Variants in PACRG observed in about 807,000 individuals in gnomAD.
PACRG encodes parkin coregulated, also known as parkin coregulated gene protein.
In PACRG, 29 loss-of-function variants were observed where a neutral mutation model predicts 29.7. The observed-to-expected ratio is 0.98, with a 90% CI of 0.73 to 1.33. PACRG has a LOEUF of 1.33. Among genes scored for constraint, PACRG ranks in the 40% most tolerant of loss-of-function variants. The probability of loss-of-function intolerance (pLI) is 0.00; values close to 1 mark genes in which losing one functional copy is unlikely to be tolerated. For synonymous variants in PACRG, 116 were observed against 118.7 expected, an observed-to-expected ratio of 0.98 and a Z score of 0.15; for missense variants, 279 against 316.2, an observed-to-expected ratio of 0.88 and a Z score of 0.89.
intron 1 of PACRG, among the ~76,000 whole-genome samples, chr6:162,735,480 A>T (rs1425625146): frequency 6.6e-6 from 1 of 152,174 alleles, no homozygotes; most frequent in Non-Finnish European, 1.5e-5. Flanking sequence ...TATTAATTTT[A>T]TTGTGACTAA....
At chr6:163,240,851 C>T (rs1782476551) in intron 4 of PACRG, among the ~76,000 whole-genome samples, 1 of 152,182 alleles carries the variant, frequency 6.6e-6, no homozygotes, top group Non-Finnish European at 1.5e-5. Flanking sequence ...CTCAAGTAAA[C>T]GAGGGCTGCA....
At chr6:163,200,929 C>T (rs1418034943) in intron 4 of PACRG, among the ~76,000 whole-genome samples, 2 of 152,040 alleles carry the variant, frequency 1.3e-5, no homozygotes, top group Non-Finnish European at 2.9e-5. Context: ...AGGCACTGGG[C>T]CGGATCAGGC....
chr6:162,951,471 C>T (rs1799646094), intron 2 of PACRG, among the ~76,000 whole-genome samples: 1 of 152,136 alleles, frequency 6.6e-6, no homozygotes, highest in Admixed American at 6.5e-5. Context: ...CAGCAGTTGG[C>T]GGGGAGGGAT....
chr6:163,035,499 T>G (rs985913077), intron 2 of PACRG, among the ~76,000 whole-genome samples: 2 of 151,934 alleles, frequency 1.3e-5, no homozygotes, highest in Admixed American at 6.6e-5. Flanking sequence ...ATACAAAAAT[T>G]AGCCAGGTAC....
At chr6:163,179,268 G>A (rs991191493) in intron 4 of PACRG, 4 of 455,644 alleles carry the variant, frequency 8.8e-6, no homozygotes, top group Non-Finnish European at 1.3e-5. Context: ...AAAGGAGGCG[G>A]CAGCTGGGGG....
At chr6:163,193,177 G>A (rs957991028) in intron 4 of PACRG, among the ~76,000 whole-genome samples, 1 of 152,160 alleles carries the variant, frequency 6.6e-6, no homozygotes, top group South Asian at 2.1e-4. Flanking sequence ...TTTTTAAGGT[G>A]GTGATAGAGT....
chr6:163,108,214 T>G (rs1308749116), intron 4 of PACRG, among the ~76,000 whole-genome samples: 1 of 151,954 alleles, frequency 6.6e-6, no homozygotes, highest in East Asian at 1.9e-4. Context: ...TCTCACGAGT[T>G]CTGGTTGTTT....
intron 4 of PACRG, among the ~76,000 whole-genome samples, chr6:163,220,999 C>T (rs1204061495): frequency 6.6e-6 from 1 of 152,154 alleles, no homozygotes; most frequent in Non-Finnish European, 1.5e-5. Context: ...AGGCAAGACA[C>T]AGTGAGAATA....
intron 2 of PACRG, among the ~76,000 whole-genome samples, chr6:162,968,606 C>T (rs1483205836): frequency 6.6e-6 from 1 of 152,148 alleles, no homozygotes; most frequent in Non-Finnish European, 1.5e-5. Context: ...TACTGATGTT[C>T]CAGCGTGACA....
intron 4 of PACRG, among the ~76,000 whole-genome samples, chr6:163,291,219 C>T (rs1445625679): frequency 7.0e-6 from 1 of 142,240 alleles, no homozygotes; most frequent in African/African-American, 2.7e-5. Flanking sequence ...GCAAGATGTC[C>T]CCTCTGCCCG....
At chr6:162,762,559 T>G (rs1176507524) in intron 1 of PACRG, among the ~76,000 whole-genome samples, 1 of 152,164 alleles carries the variant, frequency 6.6e-6, no homozygotes, top group Non-Finnish European at 1.5e-5. Context: ...AGGCCAGAAG[T>G]GTATAGGGAT....
chr6:162,890,726 T>A (rs572552665), intron 2 of PACRG, among the ~76,000 whole-genome samples: 2 of 152,288 alleles, frequency 1.3e-5, no homozygotes, highest in East Asian at 3.9e-4. Context: ...TTCTCCTCAG[T>A]CTTTATATCA....
intron 4 of PACRG, 55 bp from the exon 5 acceptor site, chr6:163,314,772 T>G: frequency 6.3e-7 from 1 of 1,587,868 alleles, no homozygotes; most frequent in Non-Finnish European, 8.6e-7. Context: ...TGTGTAGGAC[T>G]TTTCGGGAAA....
intron 4 of PACRG, chr6:163,190,709 T>C (rs1039445114): frequency 2.5e-5 from 5 of 203,426 alleles, no homozygotes; most frequent in African/African-American, 7.0e-5. Context: ...AAAATTTGTT[T>C]TGGAGCCTAG....
At chr6:162,878,456 G>A (rs1200395257) in intron 2 of PACRG, among the ~76,000 whole-genome samples, 2 of 152,124 alleles carry the variant, frequency 1.3e-5, no homozygotes, top group Non-Finnish European at 2.9e-5. Flanking sequence ...TTTTTAGAGT[G>A]TTTGATGCTG....
chr6:163,020,742 C>T (rs1190512365), intron 2 of PACRG, among the ~76,000 whole-genome samples: 2 of 151,760 alleles, frequency 1.3e-5, no homozygotes, highest in South Asian at 2.1e-4. Flanking sequence ...TCTGAAAGGT[C>T]CATTGCTCTC....
intron 4 of PACRG, among the ~76,000 whole-genome samples, chr6:163,211,628 TG>T (rs1781146332): frequency 6.6e-6 from 1 of 152,212 alleles, no homozygotes; most frequent in Non-Finnish European, 1.5e-5. Flanking sequence ...CATAATAAAA[TG>T]ACTCATGAAA....
Position 162,853,952 on chromosome 6 carries a change from C to T in PACRG, c.291+39671C>T, listed in dbSNP as rs1791141977. Among the ~76,000 whole-genome samples, 1 of 151,906 alleles carries T rather than the reference C, an allele frequency of 6.6e-6. No individual in the cohort carries two copies. The highest frequency in any genetic ancestry group is 2.1e-4 in the South Asian group (1 of 4,828). ...GGTCCATGCTAGGTATAAATATTAA[C>T]TATTATTATTAATATCATTAGTATC... On this transcript the variant is annotated intron_variant, in intron 2 of 4. Coordinates refer to ENST00000366888, the MANE Select transcript of PACRG (RefSeq NM_001080379.2). This position sits in a 1 kb window ranked among gnomAD's most constrained non-coding sequence, Gnocchi z 4.7.
upstream of PACRG, chr6:162,727,802 T>A: frequency 3.2e-6 from 3 of 947,448 alleles, no homozygotes; most frequent in African/African-American, 1.7e-5. Flanking sequence ...GCCCTAGGAA[T>A]GCGCACGCGC....
Sources: gnomAD v4.1 joint callset for allele counts (sites outside exome capture counted in the v4.1 genomes callset) on GRCh38, gnomAD v4.1.1 for gene constraint, Gnocchi (gnomAD v3.1) non-coding constraint, MANE v1.5 for transcripts, NCBI Gene and HGNC (gene_info 2026-07-23, HGNC 2026-07-21) for gene names.